Variants in ADAM12 observed in about 807,000 individuals in gnomAD.
ADAM12 encodes the protein disintegrin and metalloproteinase domain-containing protein 12.
ADAM12 carries 70 observed loss-of-function variants against 106.4 expected under a neutral mutation model. That is an observed-to-expected ratio of 0.66 (90% CI 0.54 to 0.80). The LOEUF is 0.80. ADAM12 is among the 30% of genes least tolerant of loss of function. ADAM12 has a pLI of 0.00. For synonymous variants in ADAM12, 420 were observed against 433.5 expected (o/e 0.97, Z 0.39); for missense variants, 1,010 against 1,171.9 (o/e 0.86, Z 2.02).
At chr10:126,093,613 C>T (rs1955504421) in intron 11 of ADAM12, among the ~76,000 whole-genome samples, 1 of 152,196 alleles carries the variant, frequency 6.6e-6, no homozygotes, top group Non-Finnish European at 1.5e-5. Context: ...TGGCCCATCT[C>T]CACTGCCCAG....
At chr10:126,178,697 C>T (rs745984241) in intron 3 of ADAM12, among the ~76,000 whole-genome samples, 6 of 152,066 alleles carry the variant, frequency 3.9e-5, no homozygotes, top group Non-Finnish European at 7.4e-5. Flanking sequence ...GAAAAGTAAA[C>T]GAGCAAATGT....
rs535812960 is a variant in ADAM12, at chr10:126,229,757, C to G, written c.260+49158G>C. Reference sequence around the variant, plus strand: ...GCAAACCTCACTTTTCCTTTGGGAACCCCCTTCGTGCTCTGTTCATGCCTG... The same window carrying G: ...GCAAACCTCACTTTTCCTTTGGGAAGCCCCTTCGTGCTCTGTTCATGCCTG... On this transcript the variant is annotated intron_variant, in intron 3 of 22. Transcript: ENST00000448723. 7.9e-5 allele frequency among the ~76,000 whole-genome samples: 12 copies of G among 152,150 alleles called. 1 individual carries two copies. The South Asian group carries it at 2.3e-3, about 29-fold the overall frequency.
chr10:126,043,059 G>C lies in ADAM12; in HGVS notation c.2085C>G (p.Ser695Arg), dbSNP rs778205214. 1 of 1,614,012 alleles carries C rather than the reference G, an allele frequency of 6.2e-7. No individual in the cohort carries two copies. The highest frequency in any genetic ancestry group is 1.3e-5 in the African/African-American group (1 of 74,950). The change falls in exon 18 of 23, where the codon AGC (serine) becomes AGG (arginine). Residue 695 changes from serine to arginine, a missense_variant. By Grantham distance (110) the Ser-to-Arg change is moderately radical. Transcript: ENST00000448723. The surrounding 1 kb of genome is among the most constrained non-coding windows in gnomAD (Gnocchi z 4.1). ...DKFGFGGSTD[S>R]GPIRQADNQG... ...ACTGACCTGCTTGCCGGATGGGGCC[G>C]CTGTCTGTGCTTCCTCCAAAGCCAA...
At chr10:126,178,160 T>C (rs1276071663) in intron 3 of ADAM12, among the ~76,000 whole-genome samples, 3 of 152,068 alleles carry the variant, frequency 2.0e-5, no homozygotes, top group African/African-American at 7.2e-5. Context: ...CTCCCTTCTA[T>C]ATAAATGGGA....
intron 14 of ADAM12, among the ~76,000 whole-genome samples, chr10:126,050,681 T>C (rs1954458906): frequency 6.6e-6 from 1 of 152,226 alleles, no homozygotes; most frequent in African/African-American, 2.4e-5. Flanking sequence ...GAACAGAAGA[T>C]GTTCTTCTTA....
intron 3 of ADAM12, among the ~76,000 whole-genome samples, chr10:126,202,372 A>G (rs1173613166): frequency 6.6e-6 from 1 of 152,238 alleles, no homozygotes; most frequent in Non-Finnish European, 1.5e-5. Flanking sequence ...AGTTCACTGA[A>G]CTGTAATTTT....
intron 1 of ADAM12, among the ~76,000 whole-genome samples, chr10:126,336,143 A>G (rs1854690649): frequency 1.3e-5 from 2 of 152,220 alleles, no homozygotes. Flanking sequence ...TTGGTTTACT[A>G]ACTGTAACAA....
intron 9 of ADAM12, among the ~76,000 whole-genome samples, chr10:126,100,683 C>G (rs758485694): frequency 6.6e-6 from 1 of 152,030 alleles, no homozygotes; most frequent in Non-Finnish European, 1.5e-5. Context: ...CCACTGCACT[C>G]CAGCCTGGTG....
At chr10:126,282,609 T>C (rs780466667) in intron 2 of ADAM12, among the ~76,000 whole-genome samples, 7 of 152,220 alleles carry the variant, frequency 4.6e-5, no homozygotes, top group Non-Finnish European at 5.9e-5. Context: ...CTTAATCTTA[T>C]ATTTGTTAGA....
chr10:126,062,245 G>T (rs11818617), intron 14 of ADAM12, among the ~76,000 whole-genome samples: 3,335 of 152,190 alleles, frequency 0.022, 123 homozygotes, highest in African/African-American at 0.076. Flanking sequence ...CAACAGTCCT[G>T]ATGCCATGGA....
rs530195478 is a variant in ADAM12 at position 126,348,901 on chromosome 10, G to A, written c.89-18392C>T. On this transcript the variant is annotated intron_variant, in intron 1 of 22. Coordinates refer to ENST00000448723, the MANE Select transcript of ADAM12 (RefSeq NM_001288973.2). Reference sequence around the variant, plus strand: ...ATATAATTACGCTAAGAAAAAATTCGTTGTTTATCTGAAATTCAGATTCAA... The same window carrying A: ...ATATAATTACGCTAAGAAAAAATTCATTGTTTATCTGAAATTCAGATTCAA... Among the ~76,000 whole-genome samples, 11 of 152,194 alleles carry A rather than the reference G, an allele frequency of 7.2e-5. 1 individual carries two copies. The East Asian group carries it at 1.3e-3, about 19-fold the overall frequency.
At chr10:126,185,959 T>C (rs992846986) in intron 3 of ADAM12, among the ~76,000 whole-genome samples, 1 of 152,224 alleles carries the variant, frequency 6.6e-6, no homozygotes, top group Non-Finnish European at 1.5e-5. Flanking sequence ...TTTGATGATA[T>C]TTTGTTTAAA....
intron 5 of ADAM12, among the ~76,000 whole-genome samples, chr10:126,124,513 C>A (rs1023903593): frequency 6.6e-6 from 1 of 152,014 alleles, no homozygotes; most frequent in Non-Finnish European, 1.5e-5. Context: ...CCCGTGGCTC[C>A]CATTTCAAAT....
At chr10:126,212,354 C>A (rs1040247362) in intron 3 of ADAM12, among the ~76,000 whole-genome samples, 9 of 152,190 alleles carry the variant, frequency 5.9e-5, no homozygotes, top group African/African-American at 2.2e-4. Flanking sequence ...TGTCATTTTC[C>A]AAGTGACCAA....
intron 3 of ADAM12, among the ~76,000 whole-genome samples, chr10:126,258,811 C>T (rs1436361259): frequency 2.0e-5 from 3 of 152,164 alleles, no homozygotes; most frequent in Non-Finnish European, 4.4e-5. Flanking sequence ...CACACCAAGA[C>T]ACCTTTCTTT....
At chr10:126,018,406 C>T (rs998016893) in intron 22 of ADAM12, among the ~76,000 whole-genome samples, 1 of 152,116 alleles carries the variant, frequency 6.6e-6, no homozygotes. Context: ...AAATACTCCT[C>T]CTGTGGCTGG....
At chr10:126,086,706 T>TATATATATATATATATAA (rs1421464288) in intron 11 of ADAM12, among the ~76,000 whole-genome samples, 1 of 65,196 alleles carries the variant, frequency 1.5e-5, no homozygotes, top group Non-Finnish European at 2.9e-5. Flanking sequence ...TATATATATA[T>TATATATATATATATATAA]AAAATAAAAT....
intron 5 of ADAM12, chr10:126,135,295 T>G: frequency 2.6e-6 from 1 of 388,938 alleles, no homozygotes; most frequent in Non-Finnish European, 4.6e-6. Flanking sequence ...GGAAAATAAT[T>G]CACAAAATGC....
rs1168936769 is a variant in ADAM12, at chr10:126,287,794, C to T, written c.187-8806G>A. The stretch of plus-strand genomic sequence containing the variant: ...GTTGTTGGTTCTCACACACCCTGTT[C>T]TGTCTCTTCCTAGCAAAGTTCCTCA... On this transcript the variant is annotated intron_variant, in intron 2 of 22. Transcript: ENST00000448723. 1.3e-5 allele frequency among the ~76,000 whole-genome samples: 2 copies of T among 152,078 alleles called. 1 individual carries two copies. Among genetic ancestry groups the T allele is most frequent in the Non-Finnish European group, 2.9e-5 (2 of 68,002 alleles).
Sources: gnomAD v4.1 joint callset for allele counts (sites outside exome capture counted in the v4.1 genomes callset) on GRCh38, gnomAD v4.1.1 for gene constraint, Gnocchi (gnomAD v3.1) non-coding constraint, MANE v1.5 for transcripts, NCBI Gene and HGNC (gene_info 2026-07-23, HGNC 2026-07-21) for gene names.